The following LAMA3 variants were observed in gnomAD, a reference collection of about 807,000 sequenced individuals.
The protein encoded by LAMA3 is laminin subunit alpha-3.
LAMA3 carries 281 observed loss-of-function variants against 402.0 expected under a neutral mutation model. That is an observed-to-expected ratio of 0.70 (90% CI 0.63 to 0.77). The LOEUF (loss-of-function observed/expected upper bound fraction) is 0.77. Ranked by LOEUF, LAMA3 falls within the 30% of genes least tolerant of loss-of-function variation. The probability of loss-of-function intolerance (pLI) is 0.00; values close to 1 mark genes in which losing one functional copy is unlikely to be tolerated. For synonymous variants in LAMA3, 1,431 were observed against 1,558.4 expected (o/e 0.92, Z 1.93); for missense variants, 3,840 against 4,215.5 (o/e 0.91, Z 2.47).
intron 44 of LAMA3, among the ~76,000 whole-genome samples, chr18:23,895,590 ATTGTTC>A (rs1464404995): frequency 1.3e-5 from 2 of 152,234 alleles, no homozygotes; most frequent in African/African-American, 4.8e-5. Flanking sequence ...TTGACATAAA[ATTGTTC>A]ATAATGTTCC....
Position 23,879,600 on chromosome 18 carries a change from G to A in LAMA3, c.5113-2336G>A, listed in dbSNP as rs950054686. On this transcript the variant is annotated intron_variant, in intron 39 of 74. Transcript: ENST00000313654. This position sits in a 1 kb window ranked among gnomAD's most constrained non-coding sequence, Gnocchi z 4.2. ...AGTAAATGCCTAATAGATATTTGGTGACAAATGGAGCTAGGAGAGCACGTG... is the reference window on the plus strand; with the variant it reads ...AGTAAATGCCTAATAGATATTTGGTAACAAATGGAGCTAGGAGAGCACGTG... Among the ~76,000 whole-genome samples, 14 of 152,216 alleles carry A rather than the reference G, an allele frequency of 9.2e-5. No individual in the cohort carries two copies. The highest frequency in any genetic ancestry group is 2.9e-4 in the African/African-American group (12 of 41,452).
chr18:23,943,484 A>G (rs541296155), intron 68 of LAMA3, among the ~76,000 whole-genome samples: 7 of 152,352 alleles, frequency 4.6e-5, no homozygotes, highest in African/African-American at 1.7e-4. Context: ...GACTTTTTAT[A>G]AAAGATTCAG....
intron 25 of LAMA3, among the ~76,000 whole-genome samples, chr18:23,837,501 A>T (rs1382235205): frequency 1.3e-5 from 2 of 148,724 alleles, no homozygotes; most frequent in Non-Finnish European, 3.0e-5. Context: ...CAAAATTTTA[A>T]AGCTTATAAT....
chr18:23,904,533 T>C lies in LAMA3; in HGVS notation c.6474-20T>C. ...GCAGAGGAAGGCTGTGGGGAGTGGC[T>C]AACCTGCCCTGTCTTCCAGGATCAA... On this transcript the variant is annotated intron_variant, in intron 50 of 74. Coordinates refer to ENST00000313654, the MANE Select transcript of LAMA3 (RefSeq NM_198129.4). 6.3e-7 allele frequency: 1 copy of C among 1,577,522 alleles called. No individual in the cohort carries two copies. The highest frequency in any genetic ancestry group is 8.6e-7 in the Non-Finnish European group (1 of 1,161,450).
At chr18:23,717,208 G>A (rs903225278) in intron 2 of LAMA3, among the ~76,000 whole-genome samples, 1 of 152,106 alleles carries the variant, frequency 6.6e-6, no homozygotes, top group Admixed American at 6.5e-5. Flanking sequence ...TGCCCCATTG[G>A]TAAGATCTGT....
intron 2 of LAMA3, among the ~76,000 whole-genome samples, chr18:23,714,710 A>G (rs889644743): frequency 1.3e-5 from 2 of 152,194 alleles, no homozygotes; most frequent in African/African-American, 4.8e-5. Flanking sequence ...TTTTAAGTAT[A>G]TGGTTCAGTG....
intron 5 of LAMA3, among the ~76,000 whole-genome samples, chr18:23,752,252 C>T (rs187908717): frequency 1.6e-4 from 25 of 152,066 alleles, no homozygotes; most frequent in African/African-American, 4.3e-4. Context: ...AAACTATAGC[C>T]GGGCTGTGTT....
chr18:23,767,695 T>C (rs555513243), intron 8 of LAMA3, among the ~76,000 whole-genome samples: 19 of 149,802 alleles, frequency 1.3e-4, no homozygotes, highest in African/African-American at 4.4e-4. Flanking sequence ...TGCCTCAGCC[T>C]CCCAAGTAGC....
At chr18:23,796,327 A>G (rs2062762504) in intron 12 of LAMA3, among the ~76,000 whole-genome samples, 1 of 152,172 alleles carries the variant, frequency 6.6e-6, no homozygotes, top group Admixed American at 6.5e-5. Flanking sequence ...GACTGGCCAA[A>G]CCTGAGTCTT....
At chr18:23,777,204 G>A (rs2062340442) in intron 10 of LAMA3, among the ~76,000 whole-genome samples, 1 of 151,006 alleles carries the variant, frequency 6.6e-6, no homozygotes, top group Non-Finnish European at 1.5e-5. Flanking sequence ...CAAAATGTCA[G>A]GAGAAAAAAA....
intron 62 of LAMA3, among the ~76,000 whole-genome samples, chr18:23,923,606 A>C (rs989746148): frequency 6.6e-6 from 1 of 152,202 alleles, no homozygotes; most frequent in African/African-American, 2.4e-5. Flanking sequence ...CCTGAGACAC[A>C]GCCAGGTGGA....
At chr18:23,878,670 C>T (rs535541764) in intron 39 of LAMA3, among the ~76,000 whole-genome samples, 60 of 152,356 alleles carry the variant, frequency 3.9e-4, no homozygotes, top group Admixed American at 3.2e-3. Context: ...GAATATCAAA[C>T]GGGCCTTCTG....
chr18:23,691,466 C>T (rs893120752), intron 1 of LAMA3, among the ~76,000 whole-genome samples: 2 of 152,046 alleles, frequency 1.3e-5, no homozygotes, highest in African/African-American at 4.8e-5. Context: ...ATTTTGCTTT[C>T]TCTATTTTAT....
At chr18:23,913,377 C>T (rs1473290242) in intron 56 of LAMA3, among the ~76,000 whole-genome samples, 1 of 152,186 alleles carries the variant, frequency 6.6e-6, no homozygotes, top group African/African-American at 2.4e-5. Flanking sequence ...CCTCTCCTGC[C>T]TAAATGATAA....
At chr18:23,911,962 G>T (rs1335196578) in intron 55 of LAMA3, among the ~76,000 whole-genome samples, 5 of 139,664 alleles carry the variant, frequency 3.6e-5, no homozygotes, top group South Asian at 4.5e-4. Context: ...TATAATTTAT[G>T]CATTTATTAT....
intron 41 of LAMA3, among the ~76,000 whole-genome samples, chr18:23,889,389 T>G (rs1394495396): frequency 2.0e-5 from 3 of 152,018 alleles, no homozygotes; most frequent in Non-Finnish European, 4.4e-5. Flanking sequence ...TAGCAAGACC[T>G]CATCTCTACT....
intron 1 of LAMA3, among the ~76,000 whole-genome samples, chr18:23,695,711 T>C (rs1451807706): frequency 7.6e-6 from 1 of 132,374 alleles, no homozygotes; most frequent in African/African-American, 2.9e-5. Context: ...AGCAGGAGAA[T>C]TGCTTGAACC....
intron 2 of LAMA3, among the ~76,000 whole-genome samples, chr18:23,721,434 A>T (rs1056440622): frequency 6.6e-6 from 1 of 152,120 alleles, no homozygotes; most frequent in African/African-American, 2.4e-5. Flanking sequence ...AACCAGCCCG[A>T]ATGAGGAAAG....
intron 12 of LAMA3, among the ~76,000 whole-genome samples, chr18:23,806,525 G>T (rs2062965507): frequency 6.6e-6 from 1 of 152,072 alleles, no homozygotes; most frequent in Admixed American, 6.6e-5. Context: ...GCAAAGCAGG[G>T]TTAACCTGCT....
Sources: allele counts gnomAD v4.1 joint callset (sites outside exome capture counted in the v4.1 genomes callset), GRCh38; gene constraint gnomAD v4.1.1; non-coding constraint Gnocchi (gnomAD v3.1); transcripts MANE v1.5; gene names NCBI Gene and HGNC (gene_info 2026-07-23, HGNC 2026-07-21).